The following BCL9 variants were observed in gnomAD, a reference collection of about 807,000 sequenced individuals.
BCL9 encodes the protein BCL9 transcription coactivator.
A neutral mutation model predicts 88.5 loss-of-function variants in BCL9; 25 were observed. The observed-to-expected ratio is 0.28, with a 90% confidence interval of 0.21 to 0.39. BCL9 has a LOEUF of 0.39. Among genes scored for constraint, BCL9 ranks in the 10% least tolerant of loss-of-function variants. The pLI is 1.00. For synonymous variants in BCL9, 711 were observed against 673.3 expected (o/e 1.06, Z -0.87); for missense variants, 1,817 against 1,877.8 (o/e 0.97, Z 0.60).
chr1:147,571,781 G>A (rs1484103522), intron 1 of BCL9, among the ~76,000 whole-genome samples: 1 of 152,156 alleles, frequency 6.6e-6, no homozygotes, highest in African/African-American at 2.4e-5. Flanking sequence ...CACAGGAAGA[G>A]GAGAGAATAT....
chr1:147,605,377 G>A (rs1184021567), intron 2 of BCL9, among the ~76,000 whole-genome samples: 2 of 152,174 alleles, frequency 1.3e-5, no homozygotes, highest in African/African-American at 4.8e-5. Flanking sequence ...TAATGCCGGG[G>A]GCCATGGAGG....
chr1:147,565,980 AC>A (rs1336620357), intron 1 of BCL9, among the ~76,000 whole-genome samples: 1 of 152,048 alleles, frequency 6.6e-6, no homozygotes, highest in African/African-American at 2.4e-5. Flanking sequence ...TGTTGCTAGA[AC>A]CCCAAACTAC....
intron 1 of BCL9, among the ~76,000 whole-genome samples, chr1:147,592,773 G>A (rs782052701): frequency 9.2e-5 from 14 of 152,030 alleles, no homozygotes; most frequent in East Asian, 1.9e-4. Flanking sequence ...AACATTTATC[G>A]GGCACTTAAC....
rs114012424 is a variant in BCL9, at chr1:147,563,127, C to T, written c.-478+21453C>T. Among the ~76,000 whole-genome samples, 603 of 152,340 alleles carry T rather than the reference C, an allele frequency of 4.0e-3. 5 individuals carry two copies. The highest frequency in any genetic ancestry group is 0.014 in the African/African-American group (567 of 41,582). On this transcript the variant is annotated intron_variant, in intron 1 of 9. Coordinates refer to ENST00000234739, the MANE Select transcript of BCL9 (RefSeq NM_004326.4). ...CAGTCAGGCCTTAGCTTAAATGTCA[C>T]CTCTTCAGAGAGCCGTTCCTAACCA... is the stretch of plus-strand genomic sequence containing the variant.
intron 1 of BCL9, among the ~76,000 whole-genome samples, chr1:147,545,421 A>T (rs1028076842): frequency 3.3e-5 from 5 of 152,202 alleles, no homozygotes; most frequent in African/African-American, 1.2e-4. Context: ...GAAGAGGAGT[A>T]ATCCAAGTGG....
chr1:147,587,964 A>G (rs772728787), intron 1 of BCL9, among the ~76,000 whole-genome samples: 4 of 152,240 alleles, frequency 2.6e-5, no homozygotes, highest in Non-Finnish European at 4.4e-5. Context: ...ATGAAATATA[A>G]TGATCTAAAT....
chr1:147,615,598 G>A (rs868962321), intron 6 of BCL9, among the ~76,000 whole-genome samples: 3 of 152,186 alleles, frequency 2.0e-5, no homozygotes, highest in African/African-American at 7.2e-5. Context: ...GCTAATGGCT[G>A]TCTTTTAATT....
chr1:147,566,811 C>T (rs927560708), intron 1 of BCL9, among the ~76,000 whole-genome samples: 2 of 151,818 alleles, frequency 1.3e-5, no homozygotes, highest in Admixed American at 6.6e-5. Context: ...GTTTCATTGG[C>T]TTTTGTGTAA....
rs1658782662 is a variant in BCL9, at chr1:147,623,847, G to C, written c.3169G>C (p.Gly1057Arg). The C allele has an allele frequency of 6.2e-7, 1 of 1,603,868 alleles. No individual in the cohort carries two copies. The highest frequency in any genetic ancestry group is 8.5e-7 in the Non-Finnish European group (1 of 1,172,356). Residue 1057 changes from glycine (G) to arginine (R), a missense_variant, in exon 10 of 10, where the codon GGC becomes CGC. Gly to Arg is a moderately radical substitution (Grantham distance 125, BLOSUM62 -2). Transcript: ENST00000234739. ...TGATATCTTTATTTTTCTAGGAATG[G>C]GCATTAATACACAGAATCCTCGAAT... ...LPSMNNMPGM[G>R]INTQNPRISG... is the part of the protein sequence containing the mutation.
At chr1:147,576,672 A>G (rs1259613334) in intron 1 of BCL9, among the ~76,000 whole-genome samples, 1 of 152,132 alleles carries the variant, frequency 6.6e-6, no homozygotes, top group African/African-American at 2.4e-5. Flanking sequence ...ATTAACTCCT[A>G]GATGATGTTT....
chr1:147,625,148 C>T lies in BCL9; in HGVS notation c.*189C>T, dbSNP rs1553206396. The T allele has an allele frequency of 1.6e-6, 1 of 642,740 alleles. No homozygotes were observed. The highest frequency in any genetic ancestry group is 2.9e-5 in the East Asian group (1 of 34,138). The allele number at this position is 642,740 out of a possible 1,614,324, so 39.8% of individuals were successfully genotyped here. A position where few individuals can be genotyped will look rare whatever the true frequency, so the allele number is the denominator to read the frequency against. On this transcript the variant is annotated 3_prime_UTR_variant, in exon 10 of 10. Transcript: ENST00000234739. ...CCTGAAAACAAATTATTCATTTAAT[C>T]AACAGGTGTGTTTTTTTTAAGATTT... is the stretch of plus-strand genomic sequence containing the variant.
chr1:147,606,476 T>C (rs1187816158), intron 2 of BCL9, among the ~76,000 whole-genome samples: 1 of 152,232 alleles, frequency 6.6e-6, no homozygotes, highest in Non-Finnish European at 1.5e-5. Context: ...AGTTTCTTTC[T>C]ACTAAATTCC....
At chr1:147,575,552 C>T (rs184508019) in intron 1 of BCL9, among the ~76,000 whole-genome samples, 3 of 152,246 alleles carry the variant, frequency 2.0e-5, no homozygotes, top group African/African-American at 7.2e-5. Context: ...TTTTCCATTA[C>T]ATCATGCTTC....
At chr1:147,544,952 T>C (rs1348853519) in intron 1 of BCL9, among the ~76,000 whole-genome samples, 5 of 152,180 alleles carry the variant, frequency 3.3e-5, no homozygotes. Context: ...GGCATCACCA[T>C]TTTCTACATC....
chr1:147,582,763 C>T (rs1656424865), intron 1 of BCL9, among the ~76,000 whole-genome samples: 2 of 152,156 alleles, frequency 1.3e-5, no homozygotes, highest in Admixed American at 6.5e-5. Flanking sequence ...CTGCTTTCAC[C>T]GTACAATGGC....
At chr1:147,599,497 C>A (rs879967394) in intron 1 of BCL9, among the ~76,000 whole-genome samples, 1,931 of 145,294 alleles carry the variant, frequency 0.013, 26 homozygotes, top group Non-Finnish European at 0.02. Context: ...GCCCCCCGCC[C>A]CCCTCGGTTG....
intron 1 of BCL9, among the ~76,000 whole-genome samples, chr1:147,589,579 T>C (rs1346653821): frequency 2.0e-5 from 3 of 152,364 alleles, no homozygotes; most frequent in Admixed American, 1.3e-4. Context: ...TCATGCAATA[T>C]GTAGTCTTTT....
chr1:147,557,274 G>GA (rs781992686), intron 1 of BCL9, among the ~76,000 whole-genome samples: 6 of 152,042 alleles, frequency 3.9e-5, no homozygotes, highest in African/African-American at 7.2e-5. Flanking sequence ...CTTATGTGAG[G>GA]AAAAAAATCC....
chr1:147,579,728 T>C (rs1458574348), intron 1 of BCL9, among the ~76,000 whole-genome samples: 3 of 152,244 alleles, frequency 2.0e-5, no homozygotes, highest in Non-Finnish European at 2.9e-5. Context: ...GTTGAAATCC[T>C]GTCCCTCGGC....
Sources: allele counts gnomAD v4.1 joint callset (sites outside exome capture counted in the v4.1 genomes callset), GRCh38; gene constraint gnomAD v4.1.1; transcripts MANE v1.5; gene names NCBI Gene and HGNC (gene_info 2026-07-23, HGNC 2026-07-21).